The following EHD1 variants were observed in gnomAD, a reference collection of about 807,000 sequenced individuals.
EHD1 encodes the protein EH domain-containing protein 1.
EHD1 carries 19 observed loss-of-function variants against 39.0 expected under a neutral mutation model. That is an observed-to-expected ratio of 0.49 (90% CI 0.34 to 0.72). EHD1 has a LOEUF of 0.72. Among genes scored for constraint, EHD1 ranks in the 30% least tolerant of loss-of-function variants. The probability of loss-of-function intolerance (pLI) is 0.01; values close to 1 mark genes in which losing one functional copy is unlikely to be tolerated. For missense variants in EHD1, 542 were observed against 751.5 expected, an observed-to-expected ratio of 0.72 and a Z score of 3.26; for synonymous variants, 323 against 331.2, an observed-to-expected ratio of 0.98 and a Z score of 0.27.
At chr11:64,872,457 T>A (rs1032397974) in intron 2 of EHD1, among the ~76,000 whole-genome samples, 1 of 152,180 alleles carries the variant, frequency 6.6e-6, no homozygotes, top group African/African-American at 2.4e-5. Flanking sequence ...CGACACTCTG[T>A]CTCAAAAAAA....
upstream of EHD1, chr11:64,878,850 C>A (rs1377871715): frequency 9.0e-7 from 1 of 1,109,674 alleles, no homozygotes; most frequent in Non-Finnish European, 1.1e-6. Context: ...TCGCCCCGCC[C>A]CTCGTAGGGA....
intron 2 of EHD1, 67 bp downstream of exon 2, chr11:64,874,354 T>A: frequency 7.5e-7 from 1 of 1,331,328 alleles, no homozygotes; most frequent in Non-Finnish European, 1.0e-6. Context: ...CTGAACCAAG[T>A]TGCAGATCTT....
upstream of EHD1, chr11:64,879,584 C>G (rs199772936): frequency 5.7e-4 from 891 of 1,550,990 alleles, 4 homozygotes; most frequent in Middle Eastern, 0.018. Flanking sequence ...CCATCATTTA[C>G]TGGGATCTGT....
chr11:64,874,301 CAAAAAAAAAA>C (rs35867760), intron 2 of EHD1, 110 bp downstream of exon 2: 1 of 476,918 alleles, frequency 2.1e-6, no homozygotes, highest in Non-Finnish European at 3.3e-6. Context: ...AAGACTCCGT[CAAAAAAAAAA>C]AAAAAAAAAA....
chr11:64,866,190 A>G (rs1223506587), intron 2 of EHD1, among the ~76,000 whole-genome samples: 1 of 152,188 alleles, frequency 6.6e-6, no homozygotes, highest in East Asian at 1.9e-4. Context: ...AAGGAACAAG[A>G]TCATGACCTT....
chr11:64,878,630 C>A, upstream of EHD1: 3 of 1,409,172 alleles, frequency 2.1e-6, no homozygotes, highest in South Asian at 1.5e-5. Flanking sequence ...ATGCTGCGCA[C>A]CCCTCGCGGA....
chr11:64,856,902 C>A (rs1943659752), intron 3 of EHD1, among the ~76,000 whole-genome samples: 1 of 152,208 alleles, frequency 6.6e-6, no homozygotes, highest in South Asian at 2.1e-4. Flanking sequence ...GACGACCAGG[C>A]AGGGGCTCAT....
chr11:64,855,112 C>T, intron 4 of EHD1: 3 of 910,914 alleles, frequency 3.3e-6, no homozygotes, highest in Non-Finnish European at 4.8e-6. Context: ...GCCCTCCCCC[C>T]ACCACGCAGG....
At chr11:64,866,652 C>T (rs2136489694) in intron 2 of EHD1, among the ~76,000 whole-genome samples, 1 of 151,754 alleles carries the variant, frequency 6.6e-6, no homozygotes, top group South Asian at 2.1e-4. Context: ...GCACTCCCAG[C>T]CTGGGTGACA....
Position 64,878,159 on chromosome 11 carries a change from G to T in EHD1, c.306C>A (p.His102Gln). ...CCGGCACCACGCCCTCAGTGGGGCC[G>T]TGCATGACGGCGATGAAGGAGTCGG... ...PTTDSFIAVM[H>Q]GPTEGVVPGN... is the part of the protein sequence containing the mutation. The change falls in exon 1 of 5, where the codon CAC becomes CAA. Residue 102 changes from histidine to glutamine, a missense_variant. Coordinates refer to ENST00000320631, the MANE Select transcript of EHD1 (RefSeq NM_006795.4). 1 of 1,602,476 alleles carries T rather than the reference G, an allele frequency of 6.2e-7. No homozygotes were observed. The highest frequency in any genetic ancestry group is 8.5e-7 in the Non-Finnish European group (1 of 1,171,120).
intron 2 of EHD1, among the ~76,000 whole-genome samples, chr11:64,861,797 A>T (rs1199590217): frequency 6.6e-6 from 1 of 152,242 alleles, no homozygotes; most frequent in Non-Finnish European, 1.5e-5. Flanking sequence ...CAAGAAGCCC[A>T]GGAAGTGCTA....
In EHD1 at chr11:64,858,026, CTT is replaced by C. The variant is rs11327531; in HGVS notation, c.915+1896_915+1897del. The stretch of plus-strand genomic sequence containing the variant: ...TGGAGATAGGAGCTACGGCAAGGGC[CTT>C]TTTTTTTTTTTTTTTTTTTAAATTA... On this transcript the variant is annotated intron_variant, in intron 3 of 4. Coordinates refer to ENST00000320631, the MANE Select transcript of EHD1 (RefSeq NM_006795.4). 2.6e-3 allele frequency among the ~76,000 whole-genome samples: 322 copies of C among 121,810 alleles called. 1 individual carries two copies. The highest frequency in any genetic ancestry group is 4.0e-3 in the Middle Eastern group (1 of 248). The allele number at this position is 121,810 out of a possible 152,430, so 79.9% of individuals were successfully genotyped here. A position where few individuals can be genotyped will look rare whatever the true frequency, so the allele number is the denominator to read the frequency against.
Position 64,851,885 on chromosome 11 carries a change from A to G in EHD1, c.*2448T>C, listed in dbSNP as rs1009656913. The G allele has an allele frequency of 2.0e-5, 3 of 152,204 alleles. No individual in the cohort carries two copies. Among genetic ancestry groups the G allele is most frequent in the South Asian group, 4.1e-4 (2 of 4,832 alleles). 9.4% of individuals were successfully genotyped at this position (152,204 alleles called of 1,614,324 possible). ...GAAATGGGGGAACATGAACTTCCTC[A>G]GATCGTGACAGCGCAGCTCCACCTG... is the stretch of plus-strand genomic sequence containing the variant. On this transcript the variant is annotated 3_prime_UTR_variant, in exon 5 of 5. Coordinates refer to ENST00000320631, the MANE Select transcript of EHD1 (RefSeq NM_006795.4).
intron 2 of EHD1, among the ~76,000 whole-genome samples, chr11:64,867,306 C>T (rs556525658): frequency 4.6e-5 from 7 of 151,922 alleles, no homozygotes; most frequent in African/African-American, 7.2e-5. Flanking sequence ...GTAATCCCAG[C>T]TACCCAAGAG....
chr11:64,870,176 G>A (rs187456619), intron 2 of EHD1, among the ~76,000 whole-genome samples: 19 of 152,296 alleles, frequency 1.2e-4, no homozygotes, highest in Admixed American at 1.2e-3. Flanking sequence ...AACAGAGGGT[G>A]GCCTCTGTGT....
Position 64,854,507 on chromosome 11 carries a change from G to A in EHD1, c.1431C>T (p.Pro477=), listed in dbSNP as rs985353293. 2 of 1,614,042 alleles carry A rather than the reference G, an allele frequency of 1.2e-6. No homozygotes were observed. Among genetic ancestry groups the A allele is most frequent in the African/African-American group, 1.3e-5 (1 of 74,926 alleles). ...TCCAGATCTTCCCTAGCACGGTGTT[G>A]GGGAGCTTGGACTTCACCATCTCCT... is the stretch of plus-strand genomic sequence containing the variant. ...AKKEMVKSKL[P]NTVLGKIWKL... Residue 477 remains proline (P), a synonymous_variant, in exon 5 of 5, where the codon CCC becomes CCT. Transcript: ENST00000320631.
chr11:64,856,437 C>T (rs1468616257), intron 3 of EHD1: 1 of 152,322 alleles, frequency 6.6e-6, no homozygotes, highest in Non-Finnish European at 1.5e-5. Context: ...GCATCAATAC[C>T]TTGCTTAGGC....
chr11:64,879,132 C>CT, upstream of EHD1: 1 of 1,005,216 alleles, frequency 9.9e-7, no homozygotes, highest in Non-Finnish European at 1.2e-6. Context: ...CAGACACACA[C>CT]TGTCTTTGTC....
chr11:64,861,705 G>A (rs765041280), intron 2 of EHD1, among the ~76,000 whole-genome samples: 1 of 152,134 alleles, frequency 6.6e-6, no homozygotes, highest in Non-Finnish European at 1.5e-5. Flanking sequence ...TTCAGTCGTT[G>A]TGACAGAAAC....
Sources: gnomAD v4.1 joint callset for allele counts (sites outside exome capture counted in the v4.1 genomes callset) on GRCh38, gnomAD v4.1.1 for gene constraint, MANE v1.5 for transcripts, NCBI Gene and HGNC (gene_info 2026-07-23, HGNC 2026-07-21) for gene names.